Variants in CHMP1A observed in about 807,000 individuals in gnomAD.
The protein encoded by CHMP1A is VPS46 homolog A.
In CHMP1A, 17 loss-of-function variants were observed where a neutral mutation model predicts 27.0. The observed-to-expected ratio is 0.63, with a 90% CI of 0.43 to 0.95. CHMP1A has a LOEUF of 0.95. Ranked by LOEUF, CHMP1A falls within the 40% of genes least tolerant of loss-of-function variation. The pLI is 0.00. For synonymous variants in CHMP1A, 131 were observed against 107.5 expected, an observed-to-expected ratio of 1.22 and a Z score of -1.35; for missense variants, 275 against 264.0, an observed-to-expected ratio of 1.04 and a Z score of -0.29.
In CHMP1A at chr16:89,651,610, C is replaced by A; in HGVS notation, c.64G>T (p.Ala22Ser). 6.2e-7 allele frequency: 1 copy of A among 1,613,746 alleles called. No homozygotes were observed. The highest frequency in any genetic ancestry group is 2.2e-5 in the East Asian group (1 of 44,876). Residue 22 changes from alanine (A) to serine (S), a missense_variant, in exon 3 of 7, where the codon GCG becomes TCG. By Grantham distance (99) the Ala-to-Ser change is moderately conservative (BLOSUM62 1). Coordinates refer to ENST00000397901, the MANE Select transcript of CHMP1A (RefSeq NM_002768.5). ...TGCTCCGCCTTGGAGTCCTTCTCCG[C>A]CTTCTTGGCCAGCTTCTCCAGCTGC... ...AKQLEKLAKK[A>S]EKDSKAEQAK...
Position 89,645,479 on chromosome 16 carries a change from G to C in CHMP1A, c.*587C>G, listed in dbSNP as rs2059766563. ...TGAGGGAAGTGAGGGAGCGCAGGAG[G>C]CCAGGGGGCTCAGCCAGCTGGTAGG... is the stretch of plus-strand genomic sequence containing the variant. On this transcript the variant is annotated 3_prime_UTR_variant, in exon 7 of 7. Transcript: ENST00000397901. The C allele has an allele frequency of 5.9e-6, 1 of 169,168 alleles. No individual in the cohort carries two copies. Among genetic ancestry groups the C allele is most frequent in the African/African-American group, 2.4e-5 (1 of 41,534 alleles). 10.5% of individuals were successfully genotyped at this position (169,168 alleles called of 1,614,324 possible). A position where few individuals can be genotyped will look rare whatever the true frequency, so the allele number is the denominator to read the frequency against.
chr16:89,646,783 G>A (rs1221222365), intron 5 of CHMP1A, 69 bp from the exon 6 acceptor site: 6 of 1,497,750 alleles, frequency 4.0e-6, no homozygotes, highest in South Asian at 2.4e-5. Context: ...AGCTTCACAA[G>A]GGTACGACTG....
chr16:89,645,971 C>A lies in CHMP1A; in HGVS notation c.*95G>T. The A allele has an allele frequency of 6.2e-7, 1 of 1,611,728 alleles. No individual in the cohort carries two copies. The highest frequency in any genetic ancestry group is 1.1e-5 in the South Asian group (1 of 90,874). The stretch of plus-strand genomic sequence containing the variant: ...GCAGAGTGGCTGCCGGCCGCAGCCC[C>A]GCGGGGTCAGCACAAAGGCAAGACG... On this transcript the variant is annotated 3_prime_UTR_variant, in exon 7 of 7. Transcript: ENST00000397901.
chr16:89,647,257 G>A lies in CHMP1A; in HGVS notation c.327C>T (p.Ser109=). Residue 109 remains serine (S), a synonymous_variant, in exon 5 of 7, where the codon TCC becomes TCT. Coordinates refer to ENST00000397901, the MANE Select transcript of CHMP1A (RefSeq NM_002768.5). The part of the protein sequence containing the change: ...ALSTMDLQKV[S]SVMDRFEQQV... ...GCTGCTCGAACCTGTCCATCACTGA[G>A]GAGACCTTCTGCAGGTCCATGGTGC... 1 of 1,610,934 alleles carries A rather than the reference G, an allele frequency of 6.2e-7. No homozygotes were observed. The highest frequency in any genetic ancestry group is 8.5e-7 in the Non-Finnish European group (1 of 1,178,846).
At chr16:89,646,883 T>C in intron 5 of CHMP1A, 169 bp from the exon 6 acceptor site, 1 of 742,330 alleles carries the variant, frequency 1.3e-6, no homozygotes, top group Non-Finnish European at 2.3e-6. Flanking sequence ...GAGCCTTTCC[T>C]GCCCCCCCAC....
At position 89,653,532 on chromosome 16, in the gene CHMP1A, A is replaced by T. The variant is rs547856073; in HGVS notation, c.27+372T>A. On this transcript the variant is annotated intron_variant, in intron 2 of 6. Coordinates refer to ENST00000397901, the MANE Select transcript of CHMP1A (RefSeq NM_002768.5). ...CAGCTACTCAGGAGGCTAAGGCAGGAGAATCGCTTGAACCCGGGAGGCAGA... is the reference window on the plus strand; with the variant it reads ...CAGCTACTCAGGAGGCTAAGGCAGGTGAATCGCTTGAACCCGGGAGGCAGA... Among the ~76,000 whole-genome samples, 30 of 147,462 alleles carry T rather than the reference A, an allele frequency of 2.0e-4. No homozygotes were observed. The East Asian group carries it at 5.8e-3, about 29-fold the overall frequency.
intron 2 of CHMP1A, 128 bp downstream of exon 2, chr16:89,653,776 G>A (rs1296499185): frequency 2.1e-6 from 2 of 951,856 alleles, no homozygotes; most frequent in East Asian, 2.4e-5. Flanking sequence ...AGCAGTCTGA[G>A]CCCTGTGTGG....
intron 2 of CHMP1A, among the ~76,000 whole-genome samples, chr16:89,653,020 C>CTTTTCTTTTTTT (rs1266826642): frequency 1.2e-5 from 1 of 82,192 alleles, no homozygotes; most frequent in East Asian, 4.0e-4. Flanking sequence ...TTTTTCTTTT[C>CTTTTCTTTTTTT]TTTTTTTTTT....
At chr16:89,657,559 G>A (rs777206435) in intron 1 of CHMP1A, 23 bp downstream of exon 1, 30 of 1,610,184 alleles carry the variant, frequency 1.9e-5, no homozygotes, top group African/African-American at 1.3e-5. Flanking sequence ...GCGAGTCCCC[G>A]GAGGACGGCC....
chr16:89,657,511 G>A, intron 1 of CHMP1A, 71 bp downstream of exon 1: 1 of 1,584,108 alleles, frequency 6.3e-7, no homozygotes, highest in Non-Finnish European at 8.6e-7. Context: ...CAGGTGGGCG[G>A]AGCCCACGCC....
intron 2 of CHMP1A, among the ~76,000 whole-genome samples, chr16:89,652,312 T>A (rs1489228267): frequency 1.9e-5 from 2 of 103,208 alleles, no homozygotes; most frequent in East Asian, 2.6e-4. Context: ...CCATCTGGAA[T>A]CACAGACACC....
At position 89,644,827 on chromosome 16, in the gene CHMP1A, G is replaced by C. The variant is rs1048446070; in HGVS notation, c.*1239C>G. On this transcript the variant is annotated 3_prime_UTR_variant, in exon 7 of 7. Transcript: ENST00000397901. ...GGACTGAGGAGGGGAGGGCAGGACT[G>C]AAGAGGGGCGGGGACCCGCACTCCC... 25 of 152,682 alleles carry C rather than the reference G, an allele frequency of 1.6e-4. No homozygotes were observed. The highest frequency in any genetic ancestry group is 5.8e-4 in the African/African-American group (24 of 41,584). 9.5% of individuals were successfully genotyped at this position (152,682 alleles called of 1,614,324 possible).
intron 1 of CHMP1A, among the ~76,000 whole-genome samples, chr16:89,657,226 C>A (rs555207276): frequency 7.9e-6 from 1 of 127,230 alleles, no homozygotes; most frequent in East Asian, 2.3e-4. Context: ...GAAGGGGTTC[C>A]GGGTCGGGGA....
At position 89,651,580 on chromosome 16, in the gene CHMP1A, T is replaced by C; in HGVS notation, c.94A>G (p.Lys32Glu). ...CCCCAGGGTCTCACCTTCTTCACTTTGGCCTGCTCCGCCTTGGAGTCCTTC... is the reference window on the plus strand; with the variant it reads ...CCCCAGGGTCTCACCTTCTTCACTTCGGCCTGCTCCGCCTTGGAGTCCTTC... ...AEKDSKAEQA[K>E]VKKALLQKNV... is the part of the protein sequence containing the mutation. Residue 32 changes from lysine (K) to glutamate (E), a missense_variant, in exon 3 of 7, where the codon AAA becomes GAA. Coordinates refer to ENST00000397901, the MANE Select transcript of CHMP1A (RefSeq NM_002768.5). The C allele has an allele frequency of 1.2e-6, 2 of 1,613,730 alleles. No homozygotes were observed. The highest frequency in any genetic ancestry group is 1.7e-6 in the Non-Finnish European group (2 of 1,179,792).
intron 5 of CHMP1A, 63 bp downstream of exon 5, chr16:89,647,140 G>A (rs762454531): frequency 1.1e-5 from 17 of 1,581,166 alleles, no homozygotes; most frequent in African/African-American, 2.7e-5. Context: ...CACCCCTCCC[G>A]ATGAGCTGCC....
chr16:89,648,948 C>G (rs1455932842), intron 4 of CHMP1A, among the ~76,000 whole-genome samples: 1 of 151,862 alleles, frequency 6.6e-6, no homozygotes, highest in African/African-American at 2.4e-5. Context: ...TTGCTTGAGC[C>G]CAGGAGGTTG....
chr16:89,657,662 C>T lies in CHMP1A; in HGVS notation c.-74G>A. ...TCCGGGCGGTGTCAGGTCCCGGCGG[C>T]GATCGAACCGACCAAGCTGCACCCG... On this transcript the variant is annotated 5_prime_UTR_variant, in exon 1 of 7. Transcript: ENST00000397901. 6.3e-7 allele frequency: 1 copy of T among 1,598,738 alleles called. No homozygotes were observed. Among genetic ancestry groups the T allele is most frequent in the South Asian group, 1.1e-5 (1 of 89,356 alleles).
Position 89,645,941 on chromosome 16 carries a change from G to C in CHMP1A, c.*125C>G, listed in dbSNP as rs2059769935. Reference sequence around the variant, plus strand: ...AAGGCCACGCAGGCCTGGCAGGTGAGAGACGCAGAGTGGCTGCCGGCCGCA... The same window carrying C: ...AAGGCCACGCAGGCCTGGCAGGTGACAGACGCAGAGTGGCTGCCGGCCGCA... On this transcript the variant is annotated 3_prime_UTR_variant, in exon 7 of 7. Coordinates refer to ENST00000397901, the MANE Select transcript of CHMP1A (RefSeq NM_002768.5). 6.2e-7 allele frequency: 1 copy of C among 1,611,502 alleles called. No individual in the cohort carries two copies. Among genetic ancestry groups the C allele is most frequent in the African/African-American group, 1.3e-5 (1 of 74,906 alleles).
Position 89,657,512 on chromosome 16 carries a change from A to G in CHMP1A, c.7+70T>C, listed in dbSNP as rs2059894541. 6 of 1,576,380 alleles carry G rather than the reference A, an allele frequency of 3.8e-6. No individual in the cohort carries two copies. In the Admixed American group the frequency reaches 7.0e-5, roughly 18 times the overall value. On this transcript the variant is annotated intron_variant, in intron 1 of 6. Transcript: ENST00000397901. ...CCTGCCCGCGGCCCCAGGTGGGCGG[A>G]GCCCACGCCAGTGGGAGAAGCGGCC...
Sources: allele counts gnomAD v4.1 joint callset (sites outside exome capture counted in the v4.1 genomes callset), GRCh38; gene constraint gnomAD v4.1.1; transcripts MANE v1.5; gene names NCBI Gene and HGNC (gene_info 2026-07-23, HGNC 2026-07-21).